ARHGAP27: variants seen among roughly 807,000 people sequenced by gnomAD.
The protein encoded by ARHGAP27 is rho GTPase-activating protein 27.
A neutral mutation model predicts 102.0 loss-of-function variants in ARHGAP27; 53 were observed. The ratio of observed to expected loss-of-function variants is 0.52; its 90% CI spans 0.42 to 0.65. The LOEUF (loss-of-function observed/expected upper bound fraction) is 0.65. Among genes scored for constraint, ARHGAP27 ranks in the 30% least tolerant of loss-of-function variants. The pLI, the probability that ARHGAP27 is intolerant of heterozygous loss-of-function variation, is 0.00. For missense variants in ARHGAP27, 1,117 were observed against 1,256.2 expected, an observed-to-expected ratio of 0.89 and a Z score of 1.68; for synonymous variants, 525 against 542.8, an observed-to-expected ratio of 0.97 and a Z score of 0.46.
intron 12 of ARHGAP27, among the ~76,000 whole-genome samples, chr17:45,400,622 G>T (rs2046326428): frequency 6.6e-6 from 1 of 152,150 alleles, no homozygotes; most frequent in East Asian, 1.9e-4. Context: ...ACTAGCACAG[G>T]TGATGTCTCA....
intron 4 of ARHGAP27, among the ~76,000 whole-genome samples, chr17:45,410,804 T>C (rs1402515781): frequency 6.9e-6 from 1 of 145,540 alleles, no homozygotes; most frequent in African/African-American, 2.6e-5. Context: ...CCAGGGAGGG[T>C]GTAATGGGAA....
chr17:45,422,013 A>G (rs2144943895), intron 4 of ARHGAP27, among the ~76,000 whole-genome samples: 1 of 152,196 alleles, frequency 6.6e-6, no homozygotes, highest in South Asian at 2.1e-4. Context: ...TAAAAATACA[A>G]AAATTAGTTG....
intron 16 of ARHGAP27, 88 bp downstream of exon 16, chr17:45,396,399 T>C (rs1046676745): frequency 4.1e-6 from 6 of 1,464,168 alleles, no homozygotes; most frequent in Non-Finnish European, 5.4e-6. Context: ...GGACCCTGCG[T>C]CCATCCAGGG....
chr17:45,414,936 G>A (rs1597831488), intron 4 of ARHGAP27, among the ~76,000 whole-genome samples: 1 of 149,662 alleles, frequency 6.7e-6, no homozygotes, highest in African/African-American at 2.5e-5. Context: ...AGGCGTGGTG[G>A]CAGTTGCCTG....
At position 45,411,828 on chromosome 17, in the gene ARHGAP27, G is replaced by A. The variant is rs1353788665; in HGVS notation, c.658-5745C>T. On this transcript the variant is annotated intron_variant, in intron 4 of 19. Transcript: ENST00000685559. Reference sequence around the variant, plus strand: ...ACACACACACACACACACTACACACGTGTGCGTGCATATGACAGGTCACCA... The same window carrying A: ...ACACACACACACACACACTACACACATGTGCGTGCATATGACAGGTCACCA... Among the ~76,000 whole-genome samples the A allele has an allele frequency of 8.1e-5, 12 of 148,158 alleles. No individual in the cohort carries two copies. In the East Asian group the frequency reaches 9.6e-4, roughly 12 times the overall value.
chr17:45,431,839 G>C (rs1410048609), intron 2 of ARHGAP27, 87 bp from the exon 3 acceptor site: 2 of 173,142 alleles, frequency 1.2e-5, no homozygotes, highest in Non-Finnish European at 2.5e-5. Context: ...GGGCGAGGAG[G>C]AGCCTGAATG....
chr17:45,425,702 T>G (rs1396429450), intron 4 of ARHGAP27: 1 of 957,684 alleles, frequency 1.0e-6, no homozygotes. Flanking sequence ...CAGCGGCCAA[T>G]GCCCCAGCAG....
chr17:45,410,680 G>A (rs551031052), intron 4 of ARHGAP27, among the ~76,000 whole-genome samples: 4 of 152,092 alleles, frequency 2.6e-5, no homozygotes, highest in East Asian at 1.9e-4. Context: ...GGAGGGGCGC[G>A]CTTGCACAGA....
intron 4 of ARHGAP27, chr17:45,429,215 C>T: frequency 2.5e-6 from 1 of 396,418 alleles, no homozygotes; most frequent in Non-Finnish European, 4.5e-6. Flanking sequence ...TAATATGGGG[C>T]ACACACCTGC....
chr17:45,424,700 T>A (rs1484462672), intron 4 of ARHGAP27, among the ~76,000 whole-genome samples: 4 of 152,026 alleles, frequency 2.6e-5, no homozygotes, highest in Non-Finnish European at 4.4e-5. Context: ...GATAAAAGAC[T>A]ACACATTGGG....
chr17:45,397,652 T>G, intron 13 of ARHGAP27: 1 of 362,544 alleles, frequency 2.8e-6, no homozygotes. Context: ...CAGCCTGCCA[T>G]TGGTTGGCTT....
In ARHGAP27 at chr17:45,420,900, G is replaced by A. The variant is rs529755924; in HGVS notation, c.657+8723C>T. Reference sequence around the variant, plus strand: ...CGGGAAGCGGAGCTTGCAGTGAGCCGAGATCATGCCACTGCACTCCAGCCT... The same window carrying A: ...CGGGAAGCGGAGCTTGCAGTGAGCCAAGATCATGCCACTGCACTCCAGCCT... On this transcript the variant is annotated intron_variant, in intron 4 of 19. Transcript: ENST00000685559. 2.9e-5 allele frequency among the ~76,000 whole-genome samples: 4 copies of A among 136,572 alleles called. 1 individual carries two copies. The highest frequency in any genetic ancestry group is 1.1e-4 in the African/African-American group (4 of 36,760). 89.6% of individuals were successfully genotyped at this position (136,572 alleles called of 152,430 possible).
At chr17:45,429,071 T>C (rs190999286) in intron 4 of ARHGAP27, among the ~76,000 whole-genome samples, 166 of 152,326 alleles carry the variant, frequency 1.1e-3, no homozygotes, top group Middle Eastern at 3.4e-3. Context: ...GACGCCTGAC[T>C]TTCACATCCA....
At chr17:45,416,836 C>T (rs1428504961) in intron 4 of ARHGAP27, among the ~76,000 whole-genome samples, 3 of 148,898 alleles carry the variant, frequency 2.0e-5, no homozygotes, top group Admixed American at 6.6e-5. Flanking sequence ...CGTGAGCCAC[C>T]GCGCCCGGCC....
chr17:45,410,340 G>A, intron 4 of ARHGAP27: 3 of 1,446,554 alleles, frequency 2.1e-6, no homozygotes, highest in East Asian at 2.8e-5. Context: ...TTTGGGGGTA[G>A]AGCCCAGGGG....
At chr17:45,419,512 GTATATATATATATATATATATATATA>G (rs71136087) in intron 4 of ARHGAP27, among the ~76,000 whole-genome samples, 15 of 119,766 alleles carry the variant, frequency 1.3e-4, no homozygotes, top group East Asian at 2.8e-4. Context: ...TATGCTGTAT[GTATATATATATATATATATATATATA>G]TATATATATA....
intron 11 of ARHGAP27, 25 bp from the exon 12 acceptor site, chr17:45,402,843 A>T: frequency 6.3e-7 from 1 of 1,580,220 alleles, no homozygotes; most frequent in African/African-American, 1.3e-5. Context: ...GGAAGGTCAC[A>T]GGGAGCCCTC....
Position 45,395,554 on chromosome 17 carries a change from C to T in ARHGAP27, c.2572G>A (p.Glu858Lys), listed in dbSNP as rs1311789933. The T allele has an allele frequency of 1.1e-5, 17 of 1,603,944 alleles. No homozygotes were observed. Among genetic ancestry groups the T allele is most frequent in the Non-Finnish European group, 1.3e-5 (15 of 1,175,550 alleles). The part of the protein sequence containing the change: ...IVFGPTLLRP[E>K]VEETSMPMTM... ...ATGGGCATGCTGGTCTCTTCCACCT[C>T]GGGCCGCAGCAGCGTGGGCCCGAAC... Residue 858 changes from glutamate to lysine, a missense_variant, in exon 20 of 20, where the codon GAG becomes AAG. Glu to Lys is a moderately conservative substitution (Grantham distance 56). Coordinates refer to ENST00000685559, the MANE Select transcript of ARHGAP27 (RefSeq NM_001282290.2).
chr17:45,401,629 G>C (rs1159169230), intron 12 of ARHGAP27: 1 of 152,156 alleles, frequency 6.6e-6, no homozygotes, highest in African/African-American at 2.4e-5. Flanking sequence ...CTGTTTTGCA[G>C]GGTACCTGGC....
Sources: allele counts gnomAD v4.1 joint callset (sites outside exome capture counted in the v4.1 genomes callset), GRCh38; gene constraint gnomAD v4.1.1; transcripts MANE v1.5; gene names NCBI Gene and HGNC (gene_info 2026-07-23, HGNC 2026-07-21).